Variants in UNC80 observed in about 807,000 individuals in gnomAD.
The protein encoded by UNC80 is protein unc-80 homolog.
In UNC80, 164 loss-of-function variants were observed where a neutral mutation model predicts 384.6. The observed-to-expected ratio is 0.43, with a 90% CI of 0.38 to 0.49. The LOEUF is 0.49. Among genes scored for constraint, UNC80 ranks in the 20% least tolerant of loss-of-function variants. The probability of loss-of-function intolerance (pLI) is 0.00; values close to 1 mark genes in which losing one functional copy is unlikely to be tolerated. For synonymous variants in UNC80, 1,486 were observed against 1,527.8 expected (o/e 0.97, Z 0.64); for missense variants, 3,330 against 4,143.0 (o/e 0.80, Z 5.39).
intron 43 of UNC80, among the ~76,000 whole-genome samples, chr2:209,940,782 A>C (rs747783997): frequency 5.3e-5 from 8 of 152,114 alleles, no homozygotes; most frequent in Non-Finnish European, 1.0e-4. Context: ...GCGCCATTGC[A>C]CTCCAGACAG....
At chr2:209,931,437 A>C (rs1009386427) in intron 38 of UNC80, among the ~76,000 whole-genome samples, 4 of 149,890 alleles carry the variant, frequency 2.7e-5, no homozygotes, top group Non-Finnish European at 5.9e-5. Context: ...GTTGTCCTAG[A>C]TGGAAAGTTT....
In UNC80 at chr2:209,879,473, C is replaced by G. The variant is rs918111321; in HGVS notation, c.3976+1384C>G. Among the ~76,000 whole-genome samples the G allele has an allele frequency of 3.3e-5, 5 of 152,218 alleles. No homozygotes were observed. In the East Asian group the frequency reaches 9.7e-4, roughly 29 times the overall value. On this transcript the variant is annotated intron_variant, in intron 24 of 64. Transcript: ENST00000673920. ...AGAACTCAATCCTTGTTTATTATAA[C>G]AGGATATTTAATATGATAGCCCTGA...
chr2:209,984,467 A>G (rs556472722), intron 60 of UNC80, among the ~76,000 whole-genome samples: 7 of 152,344 alleles, frequency 4.6e-5, no homozygotes, highest in African/African-American at 1.4e-4. Context: ...ATGAAACACC[A>G]TGTACATAAG....
intron 6 of UNC80, 83 bp downstream of exon 6, chr2:209,789,688 A>C: frequency 2.0e-6 from 2 of 990,686 alleles, no homozygotes; most frequent in South Asian, 2.8e-5. Flanking sequence ...CATGAGTTCT[A>C]GAATCACTAC....
chr2:209,776,282 C>T (rs994952488), intron 3 of UNC80, among the ~76,000 whole-genome samples: 1 of 152,096 alleles, frequency 6.6e-6, no homozygotes, highest in African/African-American at 2.4e-5. Flanking sequence ...AATATATTCT[C>T]CTTTTAACAT....
chr2:209,998,560 G>C lies in UNC80; in HGVS notation c.*2965G>C, dbSNP rs1248887023. 1 of 152,232 alleles carries C rather than the reference G, an allele frequency of 6.6e-6. No homozygotes were observed. Among genetic ancestry groups the C allele is most frequent in the African/African-American group, 2.4e-5 (1 of 41,442 alleles). The allele number at this position is 152,232 out of a possible 1,614,324, so 9.4% of individuals were successfully genotyped here. On this transcript the variant is annotated 3_prime_UTR_variant, in exon 65 of 65. Coordinates refer to ENST00000673920, the MANE Select transcript of UNC80 (RefSeq NM_001371986.1). ...CAAGAGTACCTTAAACAAGGTGATAGCTCCTCTCTTCTTTAGCATTATATT... is the reference window on the plus strand; with the variant it reads ...CAAGAGTACCTTAAACAAGGTGATACCTCCTCTCTTCTTTAGCATTATATT...
intron 51 of UNC80, among the ~76,000 whole-genome samples, chr2:209,966,289 G>T (rs1270652239): frequency 3.3e-5 from 5 of 152,136 alleles, no homozygotes; most frequent in Non-Finnish European, 7.4e-5. Flanking sequence ...TGTCTTAGGA[G>T]TATTTTTTAG....
At chr2:209,806,933 A>G (rs1338087066) in intron 7 of UNC80, among the ~76,000 whole-genome samples, 1 of 152,200 alleles carries the variant, frequency 6.6e-6, no homozygotes, top group East Asian at 1.9e-4. Context: ...TCTGCCTTCA[A>G]TACTTTCTGC....
chr2:209,804,755 TTTTTTTTGTTTTGTTTTG>T (rs1282229253), intron 7 of UNC80, among the ~76,000 whole-genome samples: 161 of 110,592 alleles, frequency 1.5e-3, no homozygotes, highest in African/African-American at 5.3e-3. Context: ...TTAGAGAGTT[TTTTTTTTGTTTTGTTTTG>T]TTTTTTTTTT....
At chr2:209,972,888 G>C (rs1048828959) in intron 55 of UNC80, among the ~76,000 whole-genome samples, 176 bp from the exon 56 acceptor site, 1 of 152,158 alleles carries the variant, frequency 6.6e-6, no homozygotes, top group Non-Finnish European at 1.5e-5. Flanking sequence ...AAATACTCAG[G>C]TGCCAGGAAC....
At chr2:209,786,980 C>CATATATATATATAT (rs60467878) in intron 5 of UNC80, among the ~76,000 whole-genome samples, 4 of 135,844 alleles carry the variant, frequency 2.9e-5, no homozygotes, top group African/African-American at 1.1e-4. Context: ...TCTACAGAAG[C>CATATATATATATAT]ATATATATAT....
At chr2:209,847,240 ATT>A (rs2082234524) in intron 21 of UNC80, among the ~76,000 whole-genome samples, 1 of 152,018 alleles carries the variant, frequency 6.6e-6, no homozygotes, top group African/African-American at 2.4e-5. Flanking sequence ...CCAAAAATAC[ATT>A]CTCTTTTAAA....
chr2:209,817,306 A>G (rs1276421594), intron 10 of UNC80, among the ~76,000 whole-genome samples, 181 bp downstream of exon 10: 1 of 152,130 alleles, frequency 6.6e-6, no homozygotes, highest in African/African-American at 2.4e-5. Context: ...AATCCAGATA[A>G]TTGACGTAAT....
rs1387271947 is a variant in UNC80 at position 209,831,609 on chromosome 2, C to T, written c.2775+18C>T. The stretch of plus-strand genomic sequence containing the variant: ...AGAATCTGGTGAGAAGCTCTCCTCT[C>T]TTCCCACAGGAGCTCTCAGTCTCTG... On this transcript the variant is annotated intron_variant, in intron 16 of 64. Coordinates refer to ENST00000673920, the MANE Select transcript of UNC80 (RefSeq NM_001371986.1). 19 of 1,522,022 alleles carry T rather than the reference C, an allele frequency of 1.2e-5. No homozygotes were observed. The highest frequency in any genetic ancestry group is 4.3e-5 in the Admixed American group (2 of 46,842). 94.3% of individuals were successfully genotyped at this position (1,522,022 alleles called of 1,614,324 possible). A position where few individuals can be genotyped will look rare whatever the true frequency, so the allele number is the denominator to read the frequency against.
rs201038761 is a variant in UNC80, at chr2:209,777,469, A to G, written c.510A>G (p.Glu170=). The change falls in exon 4 of 65, where the codon GAA becomes GAG. Residue 170 remains glutamate, a synonymous_variant. Coordinates refer to ENST00000673920, the MANE Select transcript of UNC80 (RefSeq NM_001371986.1). ...GCCAAAGCAGCTCTAATGACGAAGA[A>G]GAGAACAACCGAAGAAAGATCTTCC... is the stretch of plus-strand genomic sequence containing the variant. ...QPCQSSSNDE[E]ENNRRKIFQN... is the part of the protein sequence containing the mutation. 1.2e-6 allele frequency: 2 copies of G among 1,614,102 alleles called. No homozygotes were observed. The highest frequency in any genetic ancestry group is 1.7e-6 in the Non-Finnish European group (2 of 1,180,048).
chr2:209,980,508 G>A (rs937406850), intron 59 of UNC80, among the ~76,000 whole-genome samples: 1 of 152,162 alleles, frequency 6.6e-6, no homozygotes, highest in Non-Finnish European at 1.5e-5. Flanking sequence ...CCATCCCAAT[G>A]AAAGCAAGAT....
In UNC80 at chr2:209,945,960, A is replaced by G; in HGVS notation, c.7286+17A>G. The G allele has an allele frequency of 1.3e-6, 2 of 1,512,262 alleles. No homozygotes were observed. Among genetic ancestry groups the G allele is most frequent in the Non-Finnish European group, 1.8e-6 (2 of 1,112,246 alleles). 93.7% of individuals were successfully genotyped at this position (1,512,262 alleles called of 1,614,324 possible). ...ATTCAGAAGGTATCTGCAGCCCTTT[A>G]TTCTGTGCCTTGTGATAAGTAAATA... On this transcript the variant is annotated intron_variant, in intron 47 of 64. Coordinates refer to ENST00000673920, the MANE Select transcript of UNC80 (RefSeq NM_001371986.1).
chr2:209,866,302 A>T (rs1459134438), intron 22 of UNC80, among the ~76,000 whole-genome samples: 1 of 151,834 alleles, frequency 6.6e-6, no homozygotes, highest in African/African-American at 2.4e-5. Flanking sequence ...GGATAATTTT[A>T]TCAGATATAT....
At chr2:209,926,608 C>G (rs1472246207) in intron 35 of UNC80, among the ~76,000 whole-genome samples, 1 of 152,046 alleles carries the variant, frequency 6.6e-6, no homozygotes, top group Non-Finnish European at 1.5e-5. Context: ...GAGGACTCAT[C>G]CTACAAAAAA....
Sources: allele counts gnomAD v4.1 joint callset (sites outside exome capture counted in the v4.1 genomes callset), GRCh38; gene constraint gnomAD v4.1.1; transcripts MANE v1.5; gene names NCBI Gene and HGNC (gene_info 2026-07-23, HGNC 2026-07-21).